The following LAMA1 variants were observed in gnomAD, a reference collection of about 807,000 sequenced individuals.
LAMA1 encodes the protein laminin subunit alpha 1, also known as laminin subunit alpha-1.
LAMA1 carries 219 observed loss-of-function variants against 348.7 expected under a neutral mutation model. That is an observed-to-expected ratio of 0.63 (90% CI 0.56 to 0.70). The LOEUF (loss-of-function observed/expected upper bound fraction) is 0.70, where lower values mean the gene tolerates loss of function less well. Among genes scored for constraint, LAMA1 ranks in the 30% least tolerant of loss-of-function variants. The pLI is 0.00. For synonymous variants in LAMA1, 1,487 were observed against 1,491.0 expected (o/e 1.00, Z 0.06); for missense variants, 3,744 against 3,888.0 (o/e 0.96, Z 0.99).
intron 58 of LAMA1, among the ~76,000 whole-genome samples, chr18:6,950,243 G>A (rs558744039): frequency 4.4e-4 from 67 of 152,250 alleles, no homozygotes; most frequent in Middle Eastern, 3.4e-3. Flanking sequence ...TTGTTTACAC[G>A]AGGTTTTAAC....
intron 25 of LAMA1, among the ~76,000 whole-genome samples, chr18:7,010,604 G>A (rs1396823341): frequency 6.6e-6 from 1 of 152,142 alleles, no homozygotes. Context: ...ACAAACAAAA[G>A]TGAGCTCCAA....
chr18:7,028,572 G>A (rs1322946332), intron 16 of LAMA1, among the ~76,000 whole-genome samples: 2 of 152,216 alleles, frequency 1.3e-5, no homozygotes, highest in Non-Finnish European at 2.9e-5. Flanking sequence ...AAGAGAATCT[G>A]TCAACCAGCA....
chr18:7,014,552 G>A (rs1190452294), intron 22 of LAMA1, among the ~76,000 whole-genome samples: 3 of 149,926 alleles, frequency 2.0e-5, no homozygotes, highest in Admixed American at 1.3e-4. Flanking sequence ...AGCCCAAGAG[G>A]TCAAGGATAC....
At position 6,975,041 on chromosome 18, in the gene LAMA1, G is replaced by A; in HGVS notation, c.6490-5C>T. On this transcript the variant is annotated splice_region_variant and splice_polypyrimidine_tract_variant and intron_variant, in intron 45 of 62. Transcript: ENST00000389658. ...CTCCACTGCAAGGAAATCAGACTGG[G>A]GGGCGAGGAATGAACGGGGATCAGT... The A allele has an allele frequency of 6.2e-7, 1 of 1,613,350 alleles. No homozygotes were observed. The highest frequency in any genetic ancestry group is 8.5e-7 in the Non-Finnish European group (1 of 1,179,658).
intron 29 of LAMA1, among the ~76,000 whole-genome samples, chr18:7,004,332 C>CT (rs1338920274): frequency 6.6e-6 from 1 of 152,200 alleles, no homozygotes; most frequent in African/African-American, 2.4e-5. Flanking sequence ...TCCCCAGCCC[C>CT]TTCCAAGGCA....
intron 59 of LAMA1, 85 bp from the exon 60 acceptor site, chr18:6,948,641 G>T: frequency 6.8e-7 from 1 of 1,477,112 alleles, no homozygotes; most frequent in South Asian, 1.2e-5. Context: ...TCATCAGACT[G>T]GTCTCAGCAA....
chr18:6,984,723 A>C (rs1361594210), intron 39 of LAMA1, among the ~76,000 whole-genome samples: 2 of 152,236 alleles, frequency 1.3e-5, no homozygotes, highest in Non-Finnish European at 2.9e-5. Flanking sequence ...ATTGTATTAC[A>C]ATGGCAGACT....
intron 3 of LAMA1, among the ~76,000 whole-genome samples, chr18:7,061,242 T>C (rs1236452968): frequency 6.6e-6 from 1 of 152,196 alleles, no homozygotes. Context: ...CTAGTCTCGA[T>C]GTATTTCTCC....
chr18:7,007,913 TTTTATTTATTTA>T (rs58519890), intron 28 of LAMA1, among the ~76,000 whole-genome samples: 9 of 136,742 alleles, frequency 6.6e-5, no homozygotes, highest in Non-Finnish European at 1.5e-4. Flanking sequence ...ATTACTCCAC[TTTTATTTATTTA>T]TTTATTTATT....
intron 4 of LAMA1, among the ~76,000 whole-genome samples, chr18:7,050,008 T>C (rs2058056440): frequency 6.6e-6 from 1 of 152,222 alleles, no homozygotes; most frequent in South Asian, 2.1e-4. Context: ...GTGGTTAGAA[T>C]ATTTCAGCAT....
chr18:7,083,617 CT>C (rs1221975511), intron 1 of LAMA1, among the ~76,000 whole-genome samples: 2 of 152,112 alleles, frequency 1.3e-5, no homozygotes, highest in Non-Finnish European at 2.9e-5. Flanking sequence ...TTTGGGTTGT[CT>C]TTCACTAAAA....
intron 45 of LAMA1, among the ~76,000 whole-genome samples, chr18:6,975,677 A>G (rs1209348796): frequency 1.3e-5 from 2 of 152,088 alleles, no homozygotes; most frequent in African/African-American, 4.8e-5. Context: ...TCAACGGGGG[A>G]ATCACAAAAA....
intron 58 of LAMA1, among the ~76,000 whole-genome samples, chr18:6,950,322 T>C (rs1311539744): frequency 6.6e-6 from 1 of 152,210 alleles, no homozygotes; most frequent in African/African-American, 2.4e-5. Flanking sequence ...ATGCAATAAT[T>C]AAACTCTTTC....
intron 13 of LAMA1, among the ~76,000 whole-genome samples, chr18:7,035,427 ATT>A (rs35171103): frequency 6.8e-6 from 1 of 147,978 alleles, no homozygotes; most frequent in African/African-American, 2.5e-5. Flanking sequence ...TTTACTTAAA[ATT>A]TTTTTTTTTT....
At chr18:7,112,198 T>C (rs2058338482) in intron 1 of LAMA1, among the ~76,000 whole-genome samples, 1 of 152,326 alleles carries the variant, frequency 6.6e-6, no homozygotes, top group Non-Finnish European at 1.5e-5. Flanking sequence ...GAAACACTGC[T>C]CTAACAATAC....
At chr18:7,011,869 C>T in intron 24 of LAMA1, 126 bp downstream of exon 24, 1 of 1,160,250 alleles carries the variant, frequency 8.6e-7, no homozygotes, top group Non-Finnish European at 1.2e-6. Flanking sequence ...CCCAAATTAG[C>T]TTCCTAGAAT....
At chr18:7,016,786 A>C in intron 20 of LAMA1, 115 bp from the exon 21 acceptor site, 1 of 967,988 alleles carries the variant, frequency 1.0e-6, no homozygotes, top group Non-Finnish European at 1.5e-6. Flanking sequence ...TAAAGTATTC[A>C]TGACACCATC....
At chr18:7,110,019 T>TA (rs2058329470) in intron 1 of LAMA1, among the ~76,000 whole-genome samples, 2 of 151,970 alleles carry the variant, frequency 1.3e-5, no homozygotes, top group South Asian at 4.2e-4. Flanking sequence ...CTGTTTCTAC[T>TA]AAAATACAAA....
intron 3 of LAMA1, among the ~76,000 whole-genome samples, chr18:7,071,015 A>G (rs1402615568): frequency 6.6e-6 from 1 of 152,160 alleles, no homozygotes; most frequent in African/African-American, 2.4e-5. Flanking sequence ...GACCCTACTG[A>G]GCAGGCAAAC....
Sources: allele counts gnomAD v4.1 joint callset (sites outside exome capture counted in the v4.1 genomes callset), GRCh38; gene constraint gnomAD v4.1.1; transcripts MANE v1.5; gene names NCBI Gene and HGNC (gene_info 2026-07-23, HGNC 2026-07-21).